STK31: variants seen among roughly 807,000 people sequenced by gnomAD.
STK31 encodes the protein serine/threonine-protein kinase 31.
Under a neutral mutation model 129.7 loss-of-function variants are expected in STK31, and 89 were observed. The ratio of observed to expected loss-of-function variants is 0.69; its 90% CI spans 0.58 to 0.82. The LOEUF is 0.82. STK31 is among the 40% of genes least tolerant of loss of function. The pLI, the probability that STK31 is intolerant of heterozygous loss-of-function variation, is 0.00. For missense variants in STK31, 1,187 were observed against 1,176.4 expected (o/e 1.01, Z -0.13); for synonymous variants, 448 against 395.3 (o/e 1.13, Z -1.58).
At chr7:23,710,621 A>G in intron 1 of STK31, 2 of 1,254,400 alleles carry the variant, frequency 1.6e-6, no homozygotes, top group Non-Finnish European at 2.0e-6. Context: ...TGTGCCATTT[A>G]AGTTTCAAAA....
chr7:23,779,676 G>A (rs796445227), intron 15 of STK31, among the ~76,000 whole-genome samples: 3 of 152,196 alleles, frequency 2.0e-5, no homozygotes, highest in African/African-American at 7.2e-5. Context: ...TAATGACAGA[G>A]GCCCCTCCCC....
intron 8 of STK31, among the ~76,000 whole-genome samples, chr7:23,741,194 A>G (rs1396339529): frequency 6.6e-6 from 1 of 152,152 alleles, no homozygotes; most frequent in African/African-American, 2.4e-5. Context: ...CTGGTGTCAC[A>G]AGATGTTCCA....
At chr7:23,718,639 A>G (rs900119338) in intron 4 of STK31, among the ~76,000 whole-genome samples, 1 of 151,892 alleles carries the variant, frequency 6.6e-6, no homozygotes, top group African/African-American at 2.4e-5. Flanking sequence ...ATAATTTCTG[A>G]GATTCATTTA....
At chr7:23,788,417 T>G (rs577808750) in intron 21 of STK31, among the ~76,000 whole-genome samples, 3 of 152,154 alleles carry the variant, frequency 2.0e-5, no homozygotes, top group Non-Finnish European at 4.4e-5. Flanking sequence ...CTAGGAAACA[T>G]GTAAGGAAAC....
chr7:23,799,260 A>G (rs1792214015), intron 22 of STK31, among the ~76,000 whole-genome samples: 1 of 152,148 alleles, frequency 6.6e-6, no homozygotes, highest in Non-Finnish European at 1.5e-5. Flanking sequence ...TTTCATGTGG[A>G]ACCAAAAAGC....
chr7:23,809,400 G>C (rs1792942252), intron 22 of STK31, among the ~76,000 whole-genome samples: 1 of 151,940 alleles, frequency 6.6e-6, no homozygotes, highest in East Asian at 1.9e-4. Context: ...CTTCTCAGAT[G>C]ATCTTACTTC....
At chr7:23,713,626 AT>A (rs921088106) in intron 3 of STK31, among the ~76,000 whole-genome samples, 1 of 151,420 alleles carries the variant, frequency 6.6e-6, no homozygotes, top group East Asian at 1.9e-4. Context: ...TAAACTTTTA[AT>A]TTTTTTTTAC....
At chr7:23,760,983 A>T (rs1789425977) in intron 10 of STK31, among the ~76,000 whole-genome samples, 1 of 152,182 alleles carries the variant, frequency 6.6e-6, no homozygotes, top group South Asian at 2.1e-4. Context: ...CTAAATGTTA[A>T]TATGGAACTT....
intron 13 of STK31, 139 bp from the exon 14 acceptor site, chr7:23,770,866 T>G: frequency 1.1e-6 from 1 of 883,188 alleles, no homozygotes; most frequent in Non-Finnish European, 1.7e-6. Flanking sequence ...TAGGAAAACA[T>G]TTGTGTTTAA....
intron 22 of STK31, among the ~76,000 whole-genome samples, chr7:23,805,042 A>G (rs1792611802): frequency 6.6e-6 from 1 of 151,572 alleles, no homozygotes; most frequent in Admixed American, 6.6e-5. Flanking sequence ...ATGGCCTGCC[A>G]TTTGTGAGTA....
At chr7:23,773,521 A>T (rs1350751861) in intron 15 of STK31, among the ~76,000 whole-genome samples, 1 of 152,128 alleles carries the variant, frequency 6.6e-6, no homozygotes, top group Non-Finnish European at 1.5e-5. Context: ...ATGTGTCTTT[A>T]TAGTAGAATG....
intron 16 of STK31, among the ~76,000 whole-genome samples, chr7:23,781,882 T>G (rs1403372394): frequency 6.6e-6 from 1 of 152,188 alleles, no homozygotes; most frequent in Non-Finnish European, 1.5e-5. Flanking sequence ...CATATTGCCT[T>G]TTTTCTGTTT....
At chr7:23,795,535 A>T (rs951504901) in intron 22 of STK31, among the ~76,000 whole-genome samples, 4 of 152,220 alleles carry the variant, frequency 2.6e-5, no homozygotes, top group African/African-American at 9.6e-5. Context: ...ACTGCCTAGT[A>T]GAGCTGTGAG....
At position 23,729,136 on chromosome 7, in the gene STK31, C is replaced by T. The variant is rs1787248584; in HGVS notation, c.370C>T (p.Arg124Ter). The T allele has an allele frequency of 3.1e-6, 5 of 1,610,466 alleles. No homozygotes were observed. Among genetic ancestry groups the T allele is most frequent in the East Asian group, 2.2e-5 (1 of 44,716 alleles). ...CTATGGAAATACTGAAATTCTAAATCGATCTGATATAGTTGAAATTCCTTT... is the reference window on the plus strand; with the variant it reads ...CTATGGAAATACTGAAATTCTAAATTGATCTGATATAGTTGAAATTCCTTT... ...IDYGNTEILNRSDIVEIPLEL... is the reference protein window; with the variant it reads ...IDYGNTEILN Residue 124 changes from arginine to a stop codon, truncating the protein, a stop_gained, in exon 6 of 24, where the codon CGA becomes TGA. Transcript: ENST00000355870. LOFTEE classifies it high-confidence loss of function.
At chr7:23,744,778 G>C (rs1394755376) in intron 8 of STK31, among the ~76,000 whole-genome samples, 5 of 152,058 alleles carry the variant, frequency 3.3e-5, no homozygotes. Flanking sequence ...CTGCGGAGAA[G>C]TTTTGCTGGG....
intron 22 of STK31, among the ~76,000 whole-genome samples, chr7:23,796,354 A>AT (rs1791951895): frequency 8.6e-6 from 1 of 115,700 alleles, no homozygotes; most frequent in Non-Finnish European, 2.0e-5. Context: ...AAACATATCA[A>AT]GTTTTTTTTT....
At chr7:23,781,633 A>G in intron 16 of STK31, 113 bp downstream of exon 16, 1 of 669,980 alleles carries the variant, frequency 1.5e-6, no homozygotes. Context: ...TTATATAGAA[A>G]GTTTATATAT....
At chr7:23,732,269 A>T (rs1277665151) in intron 6 of STK31, among the ~76,000 whole-genome samples, 1 of 152,128 alleles carries the variant, frequency 6.6e-6, no homozygotes, top group Non-Finnish European at 1.5e-5. Flanking sequence ...TGTCTGAAAA[A>T]AAAAAGATAA....
chr7:23,774,780 A>G (rs1790432759), intron 15 of STK31, among the ~76,000 whole-genome samples: 1 of 152,146 alleles, frequency 6.6e-6, no homozygotes, highest in Non-Finnish European at 1.5e-5. Context: ...CTTTAGTTTA[A>G]TTAGATCCCA....
Sources: gnomAD v4.1 joint callset for allele counts (sites outside exome capture counted in the v4.1 genomes callset) on GRCh38, gnomAD v4.1.1 for gene constraint, MANE v1.5 for transcripts, NCBI Gene and HGNC (gene_info 2026-07-23, HGNC 2026-07-21) for gene names.